Variants in PSMD12 observed in about 807,000 individuals in gnomAD.
The protein encoded by PSMD12 is proteasome 26S subunit, non-ATPase 12, also known as 26S proteasome non-ATPase regulatory subunit 12.
PSMD12 carries 8 observed loss-of-function variants against 62.9 expected under a neutral mutation model. The ratio of observed to expected loss-of-function variants is 0.13; its 90% CI spans 0.07 to 0.23. The LOEUF is 0.23. Among genes scored for constraint, PSMD12 ranks in the 10% least tolerant of loss-of-function variants. The pLI, the probability that PSMD12 is intolerant of heterozygous loss-of-function variation, is 1.00. For synonymous variants in PSMD12, 173 were observed against 187.4 expected, an observed-to-expected ratio of 0.92 and a Z score of 0.63; for missense variants, 424 against 550.2, an observed-to-expected ratio of 0.77 and a Z score of 2.29.
intron 3 of PSMD12, among the ~76,000 whole-genome samples, chr17:67,351,979 C>T (rs2042022765): frequency 6.6e-6 from 1 of 151,664 alleles, no homozygotes; most frequent in African/African-American, 2.4e-5. Context: ...TGCCTGTAGT[C>T]CCAGCTACTC....
intron 7 of PSMD12, 86 bp from the exon 8 acceptor site, chr17:67,345,943 T>C (rs1251779567): frequency 7.2e-6 from 9 of 1,246,660 alleles, no homozygotes; most frequent in Middle Eastern, 1.9e-4. Context: ...AATAACTATA[T>C]ATCCATTTCA....
intron 8 of PSMD12, among the ~76,000 whole-genome samples, chr17:67,345,374 G>A (rs2041955141): frequency 1.3e-5 from 2 of 152,216 alleles, no homozygotes; most frequent in Non-Finnish European, 2.9e-5. Flanking sequence ...AGGCGCAGTG[G>A]CTCAAGCCTG....
chr17:67,366,308 TG>T (rs1332665114), intron 1 of PSMD12, 103 bp downstream of exon 1: 40 of 1,115,816 alleles, frequency 3.6e-5, no homozygotes, highest in Non-Finnish European at 4.4e-5. Context: ...GGACAGGCAT[TG>T]GGGGGTGCAC....
At chr17:67,364,827 A>C (rs1014702945) in intron 1 of PSMD12, among the ~76,000 whole-genome samples, 1 of 152,184 alleles carries the variant, frequency 6.6e-6, no homozygotes, top group Non-Finnish European at 1.5e-5. Context: ...TTCATCCCCA[A>C]TTGGCAAAGA....
At chr17:67,355,089 G>GTT (rs533603458) in intron 3 of PSMD12, among the ~76,000 whole-genome samples, 2,423 of 121,400 alleles carry the variant, frequency 0.02, 47 homozygotes, top group Middle Eastern at 0.027. Flanking sequence ...CATATTTTTG[G>GTT]TTTTTTTTTT....
At chr17:67,364,768 C>T (rs1232894158) in intron 1 of PSMD12, among the ~76,000 whole-genome samples, 1 of 152,140 alleles carries the variant, frequency 6.6e-6, no homozygotes, top group Non-Finnish European at 1.5e-5. Context: ...ATGAGAAATT[C>T]ATCTTCCTGG....
At chr17:67,358,077 A>ACAC (rs1356196666) in intron 1 of PSMD12, among the ~76,000 whole-genome samples, 1 of 152,028 alleles carries the variant, frequency 6.6e-6, no homozygotes, top group Non-Finnish European at 1.5e-5. Flanking sequence ...GTGCCCCACC[A>ACAC]CACCCGGCTA....
chr17:67,355,995 C>G (rs1431133526), intron 3 of PSMD12, among the ~76,000 whole-genome samples: 1 of 151,078 alleles, frequency 6.6e-6, no homozygotes, highest in Admixed American at 6.6e-5. Context: ...CACACACACA[C>G]ACACACACAC....
At chr17:67,350,886 A>C (rs2042011024) in intron 3 of PSMD12, among the ~76,000 whole-genome samples, 1 of 152,108 alleles carries the variant, frequency 6.6e-6, no homozygotes, top group African/African-American at 2.4e-5. Flanking sequence ...TTTTCTGTAA[A>C]TTTTTGCAAA....
rs1292459767 is a variant in PSMD12, at chr17:67,360,553, G to A, written c.109-2975C>T. On this transcript the variant is annotated intron_variant, in intron 1 of 10. Coordinates refer to ENST00000356126, the MANE Select transcript of PSMD12 (RefSeq NM_002816.5). The stretch of plus-strand genomic sequence containing the variant: ...AGAATGCGAACTCTGTAAGAGCAGG[G>A]ATGCCATGTCTATACTGTTCATCAC... Among the ~76,000 whole-genome samples the A allele has an allele frequency of 2.6e-5, 4 of 152,290 alleles. No homozygotes were observed. The East Asian group carries it at 7.7e-4, about 29-fold the overall frequency.
chr17:67,351,344 A>C (rs950544784), intron 3 of PSMD12, among the ~76,000 whole-genome samples: 14 of 151,380 alleles, frequency 9.2e-5, no homozygotes, highest in Non-Finnish European at 1.8e-4. Context: ...GTAAGCCAAG[A>C]TCGCGCCACT....
intron 1 of PSMD12, chr17:67,362,793 C>G (rs1159740601): frequency 6.6e-6 from 1 of 151,998 alleles, no homozygotes; most frequent in East Asian, 1.9e-4. Context: ...AAAACACAAG[C>G]TCTCTGACTC....
intron 3 of PSMD12, 105 bp from the exon 4 acceptor site, chr17:67,350,441 A>G (rs1396668369): frequency 1.5e-6 from 1 of 665,928 alleles, no homozygotes; most frequent in African/African-American, 1.9e-5. Context: ...TTCCCAAGTA[A>G]CTCTAGACAC....
intron 3 of PSMD12, 134 bp downstream of exon 3, chr17:67,357,169 C>G (rs1300231978): frequency 2.1e-6 from 2 of 958,034 alleles, no homozygotes; most frequent in Admixed American, 3.3e-5. Context: ...AGAATGTAGA[C>G]TGAATTTTAA....
At chr17:67,355,901 G>A (rs2042064421) in intron 3 of PSMD12, among the ~76,000 whole-genome samples, 1 of 152,000 alleles carries the variant, frequency 6.6e-6, no homozygotes, top group Non-Finnish European at 1.5e-5. Context: ...GCTGAGGTGG[G>A]AGGATCACTT....
chr17:67,345,194 T>C (rs112428983), intron 8 of PSMD12, among the ~76,000 whole-genome samples: 34 of 152,338 alleles, frequency 2.2e-4, no homozygotes, highest in African/African-American at 7.9e-4. Flanking sequence ...AAGCTGCAAA[T>C]GTAGACCTGA....
At position 67,344,632 on chromosome 17, in the gene PSMD12, C is replaced by G; in HGVS notation, c.1057G>C (p.Asp353His). Residue 353 changes from aspartate (D) to histidine (H), a missense_variant, in exon 9 of 11, where the codon GAC becomes CAC. Physicochemically the swap from Asp to His is moderately conservative, Grantham distance 81. Transcript: ENST00000356126. ...STEEGEKRWK[D>H]LKNRVVEHNI... The stretch of plus-strand genomic sequence containing the variant: ...TGTTCAACAACTCTGTTCTTCAAGT[C>G]TTTCCACCTTTTTTCACCTTCCTCT... The G allele has an allele frequency of 1.9e-6, 3 of 1,611,636 alleles. No individual in the cohort carries two copies. Among genetic ancestry groups the G allele is most frequent in the Non-Finnish European group, 2.5e-6 (3 of 1,178,496 alleles).
In PSMD12 at chr17:67,345,979, G is replaced by A; in HGVS notation, c.796-122C>T. The A allele has an allele frequency of 3.5e-6, 3 of 855,504 alleles. No individual in the cohort carries two copies. The South Asian group carries it at 5.3e-5, about 15-fold the overall frequency. 53.0% of individuals were successfully genotyped at this position (855,504 alleles called of 1,614,324 possible). On this transcript the variant is annotated intron_variant, in intron 7 of 10. Coordinates refer to ENST00000356126, the MANE Select transcript of PSMD12 (RefSeq NM_002816.5). ...AATTTTAAAGTCTTGGCCGGGCGCA[G>A]TGGCTCACGTCTGTAATCCCAGCAC...
Position 67,348,525 on chromosome 17 carries a change from C to T in PSMD12, c.510+25G>A, listed in dbSNP as rs771760230. On this transcript the variant is annotated intron_variant, in intron 5 of 10. Coordinates refer to ENST00000356126, the MANE Select transcript of PSMD12 (RefSeq NM_002816.5). ...ATGCTGCTGACAAAACAAAGTTTTA[C>T]CAACTCTAAAATGCAATACCTTACC... 4 of 1,576,514 alleles carry T rather than the reference C, an allele frequency of 2.5e-6. No individual in the cohort carries two copies. The Admixed American group carries it at 5.1e-5, about 20-fold the overall frequency.
Sources: gnomAD v4.1 joint callset for allele counts (sites outside exome capture counted in the v4.1 genomes callset) on GRCh38, gnomAD v4.1.1 for gene constraint, MANE v1.5 for transcripts, NCBI Gene and HGNC (gene_info 2026-07-23, HGNC 2026-07-21) for gene names.